The following ANKRD44 variants were observed in gnomAD, a reference collection of about 807,000 sequenced individuals.
The protein encoded by ANKRD44 is serine/threonine-protein phosphatase 6 regulatory ankyrin repeat subunit B.
A neutral mutation model predicts 116.0 loss-of-function variants in ANKRD44; 35 were observed. The ratio of observed to expected loss-of-function variants is 0.30; its 90% CI spans 0.23 to 0.40. ANKRD44 has a LOEUF of 0.40. ANKRD44 is among the 10% of genes least tolerant of loss of function. ANKRD44 has a pLI of 1.00. For missense variants in ANKRD44, 1,014 were observed against 1,242.6 expected, an observed-to-expected ratio of 0.82 and a Z score of 2.77; for synonymous variants, 435 against 461.8, an observed-to-expected ratio of 0.94 and a Z score of 0.74.
At chr2:197,163,591 T>C (rs745677079) in intron 2 of ANKRD44, among the ~76,000 whole-genome samples, 145 of 152,086 alleles carry the variant, frequency 9.5e-4, no homozygotes, top group Non-Finnish European at 1.7e-3. Context: ...GGAACAGTCA[T>C]GGAAAGTGGA....
downstream of ANKRD44, among the ~76,000 whole-genome samples, chr2:196,985,488 G>A (rs1204193037): frequency 6.6e-6 from 1 of 152,162 alleles, no homozygotes; most frequent in Non-Finnish European, 1.5e-5. Context: ...TGAATAAGAA[G>A]GGAGGCAGGG....
chr2:197,172,304 A>C (rs2080258750), intron 2 of ANKRD44, among the ~76,000 whole-genome samples: 1 of 151,698 alleles, frequency 6.6e-6, no homozygotes, highest in Non-Finnish European at 1.5e-5. Flanking sequence ...GCCCGGCCCC[A>C]TTATTATTCT....
chr2:197,200,959 T>C, intron 1 of ANKRD44, among the ~76,000 whole-genome samples: 1 of 152,240 alleles, frequency 6.6e-6, no homozygotes, highest in South Asian at 2.1e-4. Flanking sequence ...TTAAATATGA[T>C]TTGAAAGTTT....
chr2:197,013,743 T>C, intron 17 of ANKRD44, 31 bp from the exon 18 acceptor site: 1 of 1,610,450 alleles, frequency 6.2e-7, no homozygotes, highest in Non-Finnish European at 8.5e-7. Context: ...GCTCCCATGC[T>C]TGCTCGCTCA....
At chr2:196,990,198 A>G in intron 27 of ANKRD44, 3 of 986,254 alleles carry the variant, frequency 3.0e-6, no homozygotes, top group South Asian at 9.4e-5. Context: ...GAAGATGGAC[A>G]CCTTTACCTT....
chr2:197,003,954 G>A (rs1393282902), intron 21 of ANKRD44, among the ~76,000 whole-genome samples: 1 of 152,052 alleles, frequency 6.6e-6, no homozygotes, highest in Non-Finnish European at 1.5e-5. Context: ...TGAAAACACA[G>A]TAAGAGGTCT....
chr2:197,125,303 C>G lies in ANKRD44; in HGVS notation c.550+78G>C, dbSNP rs2078950012. On this transcript the variant is annotated intron_variant, in intron 6 of 27. Coordinates refer to ENST00000282272, the MANE Select transcript of ANKRD44 (RefSeq NM_001195144.2). ...GAAAAGAAGTCAGACTGGAGAAAAC[C>G]TACATGGTCAATGAGAGACCCATGG... 2.3e-6 allele frequency: 3 copies of G among 1,331,230 alleles called. No individual in the cohort carries two copies. In the South Asian group the frequency reaches 3.6e-5, roughly 16 times the overall value. The allele number at this position is 1,331,230 out of a possible 1,614,324, so 82.5% of individuals were successfully genotyped here. A position where few individuals can be genotyped will look rare whatever the true frequency, so the allele number is the denominator to read the frequency against.
intron 16 of ANKRD44, chr2:197,029,740 G>A (rs894412609): frequency 3.5e-6 from 1 of 282,800 alleles, no homozygotes; most frequent in African/African-American, 2.3e-5. Context: ...TTGCTGAGAG[G>A]CATAGATCTT....
intron 1 of ANKRD44, among the ~76,000 whole-genome samples, chr2:197,279,859 C>T (rs1386181502): frequency 1.3e-5 from 2 of 152,174 alleles, no homozygotes; most frequent in Non-Finnish European, 2.9e-5. Context: ...CCCACCCCAC[C>T]CAGTTGGACC....
chr2:197,292,945 G>A (rs1222402707), intron 1 of ANKRD44, among the ~76,000 whole-genome samples: 2 of 152,152 alleles, frequency 1.3e-5, no homozygotes, highest in Non-Finnish European at 2.9e-5. Flanking sequence ...TTCCTTGACT[G>A]GAGAAGTTGT....
At chr2:197,278,239 T>C (rs2083150077) in intron 1 of ANKRD44, among the ~76,000 whole-genome samples, 1 of 152,078 alleles carries the variant, frequency 6.6e-6, no homozygotes. Flanking sequence ...AGTGCTAAGC[T>C]TCTGTGTTCT....
intron 16 of ANKRD44, among the ~76,000 whole-genome samples, chr2:197,075,527 T>C (rs1027272452): frequency 3.3e-5 from 5 of 152,202 alleles, no homozygotes; most frequent in African/African-American, 1.2e-4. Flanking sequence ...CTTGCACACA[T>C]AGTACGAACG....
In ANKRD44 at chr2:196,989,574, A is replaced by G; in HGVS notation, c.*17T>C. 3 of 1,549,348 alleles carry G rather than the reference A, an allele frequency of 1.9e-6. No homozygotes were observed. Among genetic ancestry groups the G allele is most frequent in the South Asian group, 1.2e-5 (1 of 84,028 alleles). The stretch of plus-strand genomic sequence containing the variant: ...CATATATGTGTGCATGTGTATGTGC[A>G]TAATTTTTAAAGAGTCTCATTCTTC... On this transcript the variant is annotated 3_prime_UTR_variant, in exon 28 of 28. Coordinates refer to ENST00000282272, the MANE Select transcript of ANKRD44 (RefSeq NM_001195144.2).
intron 1 of ANKRD44, among the ~76,000 whole-genome samples, chr2:197,282,024 C>A (rs1045509300): frequency 5.9e-5 from 9 of 152,058 alleles, no homozygotes; most frequent in Admixed American, 5.9e-4. Context: ...GAGGCCGAGG[C>A]GGGCAGATCA....
intron 16 of ANKRD44, among the ~76,000 whole-genome samples, chr2:197,040,997 C>T (rs1018449609): frequency 6.6e-6 from 1 of 152,174 alleles, no homozygotes; most frequent in Non-Finnish European, 1.5e-5. Context: ...TTTGACACCA[C>T]TCATCAGCTT....
chr2:196,967,926 T>C (rs553658568), intron 21 of ANKRD44, among the ~76,000 whole-genome samples: 5 of 151,764 alleles, frequency 3.3e-5, no homozygotes, highest in African/African-American at 1.2e-4. Context: ...TCTCTCTCTC[T>C]CTCTCTCTCT....
chr2:197,277,759 A>G (rs965031113), intron 1 of ANKRD44, among the ~76,000 whole-genome samples: 1 of 152,122 alleles, frequency 6.6e-6, no homozygotes, highest in Non-Finnish European at 1.5e-5. Flanking sequence ...TTTCTATCCA[A>G]AGCTTCACTT....
At chr2:197,168,822 G>A (rs956872281) in intron 2 of ANKRD44, among the ~76,000 whole-genome samples, 1 of 151,992 alleles carries the variant, frequency 6.6e-6, no homozygotes, top group African/African-American at 2.4e-5. Flanking sequence ...TGTGAGTGGC[G>A]CCCCCTAGAG....
rs1368443678 is a variant in ANKRD44, at chr2:197,089,996, A to G, written c.1137T>C (p.Ala379=). Residue 379 remains alanine, a synonymous_variant, in exon 11 of 28, where the codon GCT becomes GCC. Coordinates refer to ENST00000282272, the MANE Select transcript of ANKRD44 (RefSeq NM_001195144.2). ...GIHSMFPLHL[A]ALNAHSDCCR... ...AGCAGTCAGAGTGAGCATTTAGGGC[A>G]GCTAAATGTAAAGGGAACATGCTAT... The G allele has an allele frequency of 6.2e-7, 1 of 1,614,114 alleles. No homozygotes were observed.
Sources: allele counts gnomAD v4.1 joint callset (sites outside exome capture counted in the v4.1 genomes callset), GRCh38; gene constraint gnomAD v4.1.1; transcripts MANE v1.5; gene names NCBI Gene and HGNC (gene_info 2026-07-23, HGNC 2026-07-21).